MTOR: variants seen among roughly 807,000 people sequenced by gnomAD.
The protein encoded by MTOR is mechanistic target of rapamycin kinase.
Under a neutral mutation model 319.8 loss-of-function variants are expected in MTOR, and 70 were observed. The observed-to-expected ratio is 0.22, with a 90% CI of 0.18 to 0.27. The LOEUF is 0.27. Among genes scored for constraint, MTOR ranks in the 10% least tolerant of loss-of-function variants. The pLI, the probability that MTOR is intolerant of heterozygous loss-of-function variation, is 1.00. For synonymous variants in MTOR, 1,183 were observed against 1,211.4 expected, an observed-to-expected ratio of 0.98 and a Z score of 0.49; for missense variants, 1,890 against 3,274.4, an observed-to-expected ratio of 0.58 and a Z score of 10.32.
intron 26 of MTOR, 21 bp downstream of exon 26, chr1:11,204,540 A>T (rs1571160114): frequency 6.2e-7 from 1 of 1,602,862 alleles, no homozygotes; most frequent in Admixed American, 1.7e-5. Context: ...GATCTTCTCC[A>T]CCCGCCCTGA....
intron 29 of MTOR, among the ~76,000 whole-genome samples, chr1:11,163,641 G>A (rs1482083116): frequency 6.6e-6 from 1 of 152,130 alleles, no homozygotes; most frequent in East Asian, 1.9e-4. Flanking sequence ...ATTCAAAACC[G>A]CTCAACTACA....
At chr1:11,144,197 A>AAAG (rs1162210159) in intron 34 of MTOR, among the ~76,000 whole-genome samples, 1 of 152,176 alleles carries the variant, frequency 6.6e-6, no homozygotes, top group African/African-American at 2.4e-5. Context: ...AGTGGTTCTT[A>AAAG]GCTTTGGCTG....
At chr1:11,204,085 C>T (rs1646063600) in intron 26 of MTOR, among the ~76,000 whole-genome samples, 1 of 152,186 alleles carries the variant, frequency 6.6e-6, no homozygotes. Flanking sequence ...GCCTTGAATG[C>T]GGATCCTCCA....
chr1:11,114,136 C>A (rs1045411853), intron 53 of MTOR, among the ~76,000 whole-genome samples, 182 bp downstream of exon 53: 1 of 152,136 alleles, frequency 6.6e-6, no homozygotes, highest in Admixed American at 6.6e-5. Flanking sequence ...TTTATAACAG[C>A]GTGAGAACAG....
chr1:11,197,329 A>G (rs1199278218), intron 28 of MTOR, among the ~76,000 whole-genome samples: 4 of 152,198 alleles, frequency 2.6e-5, no homozygotes, highest in Non-Finnish European at 5.9e-5. Context: ...TTCAGTAAAG[A>G]CGACAGTATA....
At chr1:11,108,712 C>CAAAAA (rs758531091) in intron 56 of MTOR, among the ~76,000 whole-genome samples, 3 of 49,504 alleles carry the variant, frequency 6.1e-5, no homozygotes, top group African/African-American at 1.3e-4. Context: ...GACCCTGTCT[C>CAAAAA]AAAAAAAAAA....
At position 11,243,494 on chromosome 1, in the gene MTOR, C is replaced by T. The variant is rs1403074448; in HGVS notation, c.1226-194G>A. Among the ~76,000 whole-genome samples, 2 of 151,936 alleles carry T rather than the reference C, an allele frequency of 1.3e-5. 1 individual carries two copies. The highest frequency in any genetic ancestry group is 2.9e-5 in the Non-Finnish European group (2 of 67,984). ...AGTGTTTGAGGCCAGGAGTTCGAAA[C>T]AGCCTGGGCAACACAGTGAGACCCT... On this transcript the variant is annotated intron_variant, in intron 8 of 57. Coordinates refer to ENST00000361445, the MANE Select transcript of MTOR (RefSeq NM_004958.4).
At chr1:11,151,307 C>G (rs935124323) in intron 30 of MTOR, among the ~76,000 whole-genome samples, 1 of 152,084 alleles carries the variant, frequency 6.6e-6, no homozygotes, top group Non-Finnish European at 1.5e-5. Flanking sequence ...TCAAGAAAAC[C>G]AGGGACACAA....
Position 11,145,050 on chromosome 1 carries a change from A to G in MTOR, c.4687-5T>C. On this transcript the variant is annotated splice_polypyrimidine_tract_variant and splice_region_variant and intron_variant, in intron 32 of 57. Transcript: ENST00000361445. ...GTCCCTGGCCTTGTCAATGCACTAG[A>G]AGAGAAACAACCCTTGGGACTGAGC... is the stretch of plus-strand genomic sequence containing the variant. 6.2e-7 allele frequency: 1 copy of G among 1,613,934 alleles called. No homozygotes were observed. Among genetic ancestry groups the G allele is most frequent in the Non-Finnish European group, 8.5e-7 (1 of 1,179,888 alleles).
chr1:11,222,800 A>G (rs923024193), intron 19 of MTOR, among the ~76,000 whole-genome samples: 1 of 152,054 alleles, frequency 6.6e-6, no homozygotes, highest in Non-Finnish European at 1.5e-5. Flanking sequence ...GAAAATCACC[A>G]TTTTGCAGTC....
chr1:11,117,184 CG>C (rs1436016766), intron 49 of MTOR, 98 bp from the exon 50 acceptor site: 1 of 982,480 alleles, frequency 1.0e-6, no homozygotes, highest in African/African-American at 1.7e-5. Context: ...CTTTTGAGAC[CG>C]AGTCTCGCTC....
intron 20 of MTOR, 152 bp downstream of exon 20, chr1:11,215,996 C>A: frequency 4.2e-6 from 2 of 479,544 alleles, no homozygotes; most frequent in Middle Eastern, 5.1e-4. Context: ...CTTCCTCCCC[C>A]TCAAAATCCA....
intron 6 of MTOR, among the ~76,000 whole-genome samples, chr1:11,251,565 G>C (rs1183028559): frequency 6.6e-6 from 1 of 151,946 alleles, no homozygotes; most frequent in Non-Finnish European, 1.5e-5. Flanking sequence ...TTAGGACACA[G>C]TGTAGCTGGC....
chr1:11,240,218 T>C, intron 11 of MTOR, 85 bp downstream of exon 11: 1 of 1,487,378 alleles, frequency 6.7e-7, no homozygotes, highest in South Asian at 1.4e-5. Context: ...CCCAGCAAGA[T>C]CCAGGAATCC....
intron 30 of MTOR, among the ~76,000 whole-genome samples, chr1:11,156,573 C>A (rs1169226211): frequency 1.3e-5 from 2 of 152,142 alleles, no homozygotes; most frequent in Non-Finnish European, 2.9e-5. Flanking sequence ...AATCACCCTG[C>A]TTCCTCCTTT....
chr1:11,146,806 A>G lies in MTOR; in HGVS notation c.4571-15T>C. ...GTCCCACTGACCTATACACACACAC[A>G]TAGACAGAAAGCATCAAGGGGGTTG... On this transcript the variant is annotated splice_polypyrimidine_tract_variant and intron_variant, in intron 31 of 57. Transcript: ENST00000361445. 2 of 1,592,824 alleles carry G rather than the reference A, an allele frequency of 1.3e-6. No individual in the cohort carries two copies. Among genetic ancestry groups the G allele is most frequent in the Non-Finnish European group, 1.7e-6 (2 of 1,160,668 alleles).
chr1:11,255,395 AAAAAAAAAAAAAAAG>A (rs1303520394), intron 5 of MTOR, among the ~76,000 whole-genome samples: 1 of 148,700 alleles, frequency 6.7e-6, no homozygotes. Flanking sequence ...AAAAAAAAAA[AAAAAAAAAAAAAAAG>A]AAAGAGGTAC....
rs544432408 is a variant in MTOR at position 11,228,528 on chromosome 1, T to C, written c.3030+140A>G. 6.9e-6 allele frequency: 8 copies of C among 1,159,454 alleles called. No individual in the cohort carries two copies. The African/African-American group carries it at 1.1e-4, about 15-fold the overall frequency. 71.8% of individuals were successfully genotyped at this position (1,159,454 alleles called of 1,614,324 possible). On this transcript the variant is annotated intron_variant, in intron 19 of 57. Coordinates refer to ENST00000361445, the MANE Select transcript of MTOR (RefSeq NM_004958.4). ...ACTGGAGTGAGCTGATTGTACACTT[T>C]ATATGTTGGGAGTTAAGGGGGAGGA... is the stretch of plus-strand genomic sequence containing the variant.
At chr1:11,177,140 G>T (rs751564843) in intron 28 of MTOR, among the ~76,000 whole-genome samples, 1 of 152,046 alleles carries the variant, frequency 6.6e-6, no homozygotes, top group Non-Finnish European at 1.5e-5. Flanking sequence ...ATTAAGAGAA[G>T]GCTGGCCCCA....
Sources: allele counts gnomAD v4.1 joint callset (sites outside exome capture counted in the v4.1 genomes callset), GRCh38; gene constraint gnomAD v4.1.1; transcripts MANE v1.5; gene names NCBI Gene and HGNC (gene_info 2026-07-23, HGNC 2026-07-21).